Variants in PACRG observed in about 807,000 individuals in gnomAD.
The protein encoded by PACRG is parkin coregulated gene protein.
A neutral mutation model predicts 29.7 loss-of-function variants in PACRG; 29 were observed. That is an observed-to-expected ratio of 0.98 (90% confidence interval 0.73 to 1.33). The LOEUF is 1.33. Ranked by LOEUF, PACRG falls within the 40% of genes most tolerant of loss-of-function variation. The pLI is 0.00. For missense variants in PACRG, 279 were observed against 316.2 expected, an observed-to-expected ratio of 0.88 and a Z score of 0.89; for synonymous variants, 116 against 118.7, an observed-to-expected ratio of 0.98 and a Z score of 0.15.
At chr6:163,196,921 AGACAGAT>A (rs1221427980) in intron 4 of PACRG, among the ~76,000 whole-genome samples, 102 of 127,190 alleles carry the variant, frequency 8.0e-4, no homozygotes, top group African/African-American at 2.8e-3. Flanking sequence ...CAGACAGACT[AGACAGAT>A]AGATAGATAG....
intron 1 of PACRG, among the ~76,000 whole-genome samples, chr6:162,744,427 G>A (rs571056258): frequency 3.3e-5 from 5 of 151,974 alleles, no homozygotes; most frequent in East Asian, 3.9e-4. Flanking sequence ...CCAGACCCCC[G>A]TCTAAAACAT....
chr6:162,855,273 A>G (rs1425435053), intron 2 of PACRG, among the ~76,000 whole-genome samples: 1 of 152,230 alleles, frequency 6.6e-6, no homozygotes, highest in Non-Finnish European at 1.5e-5. Context: ...AAAAGAACAC[A>G]GTACATGATG....
intron 4 of PACRG, among the ~76,000 whole-genome samples, chr6:163,147,043 T>C (rs1205665): frequency 0.36 from 55,102 of 152,068 alleles, 10,225 homozygotes; most frequent in East Asian, 0.55. Context: ...CCTTTGCAGT[T>C]AGCTGAATAC....
chr6:162,776,522 C>T (rs568668071), intron 1 of PACRG, among the ~76,000 whole-genome samples: 5 of 152,140 alleles, frequency 3.3e-5, no homozygotes, highest in African/African-American at 4.8e-5. Flanking sequence ...TTAAAGATAG[C>T]GTCCAGATTC....
intron 1 of PACRG, among the ~76,000 whole-genome samples, chr6:162,760,215 G>T (rs1256319852): frequency 1.3e-5 from 2 of 150,804 alleles, no homozygotes; most frequent in African/African-American, 5.0e-5. Flanking sequence ...CTTCAGAAAA[G>T]GTTACAGGTG....
chr6:163,238,664 G>T (rs57264517), intron 4 of PACRG, among the ~76,000 whole-genome samples: 11,918 of 152,234 alleles, frequency 0.078, 944 homozygotes, highest in East Asian at 0.2. Context: ...GAAGGAACAC[G>T]TTCAACACCA....
chr6:162,876,909 C>T lies in PACRG; in HGVS notation c.291+62628C>T, dbSNP rs975262568. On this transcript the variant is annotated intron_variant, in intron 2 of 4. Coordinates refer to ENST00000366888, the MANE Select transcript of PACRG (RefSeq NM_001080379.2). ...GTATAAGGTGTAAGGAAGGGGTCCA[C>T]GCCAGTTAGAATAAAGTCAGGAAAC... 2.0e-5 allele frequency among the ~76,000 whole-genome samples: 3 copies of T among 151,950 alleles called. 1 individual carries two copies. The highest frequency in any genetic ancestry group is 2.9e-5 in the Non-Finnish European group (2 of 67,954).
intron 4 of PACRG, among the ~76,000 whole-genome samples, chr6:163,175,772 A>AGGT (rs1389127536): frequency 6.6e-6 from 1 of 151,600 alleles, no homozygotes; most frequent in Non-Finnish European, 1.5e-5. Flanking sequence ...GAGGAGGAGG[A>AGGT]GGAGGAGGAG....
chr6:163,150,593 G>A (rs1585269426), intron 4 of PACRG, among the ~76,000 whole-genome samples: 2 of 68,632 alleles, frequency 2.9e-5, no homozygotes, highest in African/African-American at 3.2e-4. Context: ...AATCCTTCCA[G>A]GCTCAAGTTC....
Position 163,314,914 on chromosome 6 carries a change from G to A in PACRG, c.701G>A (p.Arg234His), listed in dbSNP as rs199844557. The part of the protein sequence containing the change: ...LIQETLEAFE[R>H]YGGENAFINI... ...CAGGAGACACTGGAGGCCTTCGAGC[G>A]CTACGGAGGAGAAAATGCCTTTATC... Residue 234 changes from arginine (R) to histidine (H), a missense_variant, in exon 5 of 5, where the codon CGC becomes CAC. Arg to His is a conservative substitution (Grantham distance 29). Transcript: ENST00000366888. 57 of 1,614,044 alleles carry A rather than the reference G, an allele frequency of 3.5e-5. No homozygotes were observed. Among genetic ancestry groups the A allele is most frequent in the South Asian group, 7.7e-5 (7 of 91,086 alleles).
chr6:162,996,229 T>C (rs369225287), intron 2 of PACRG, among the ~76,000 whole-genome samples: 5 of 152,164 alleles, frequency 3.3e-5, no homozygotes, highest in African/African-American at 9.7e-5. Context: ...CATTTCACAG[T>C]GTACACATAT....
chr6:163,127,800 G>A (rs537310689), intron 4 of PACRG, among the ~76,000 whole-genome samples: 107 of 152,280 alleles, frequency 7.0e-4, no homozygotes, highest in African/African-American at 2.5e-3. Flanking sequence ...ACACATGCTT[G>A]TAGCTCAGAG....
At chr6:162,759,183 A>G (rs1442887169) in intron 1 of PACRG, among the ~76,000 whole-genome samples, 1 of 152,238 alleles carries the variant, frequency 6.6e-6, no homozygotes, top group African/African-American at 2.4e-5. Flanking sequence ...CATCTTGTTT[A>G]TTAACCTTTA....
intron 4 of PACRG, among the ~76,000 whole-genome samples, chr6:163,208,984 G>A (rs1273028351): frequency 1.3e-5 from 2 of 152,166 alleles, no homozygotes. Context: ...GATCTCACAG[G>A]AGTGGATAGG....
At chr6:163,039,095 C>T (rs992736887) in intron 2 of PACRG, among the ~76,000 whole-genome samples, 2 of 152,018 alleles carry the variant, frequency 1.3e-5, no homozygotes, top group African/African-American at 4.8e-5. Flanking sequence ...GGCAGTTTAC[C>T]CCGTGCTATT....
intron 2 of PACRG, among the ~76,000 whole-genome samples, chr6:162,895,467 G>T (rs1795099809): frequency 1.3e-5 from 2 of 152,006 alleles, no homozygotes; most frequent in Non-Finnish European, 1.5e-5. Flanking sequence ...TTAACTAATG[G>T]TCTAACATTT....
At chr6:163,070,129 T>C (rs1429970091) in intron 3 of PACRG, among the ~76,000 whole-genome samples, 1 of 152,072 alleles carries the variant, frequency 6.6e-6, no homozygotes, top group Non-Finnish European at 1.5e-5. Context: ...AGGGATTTCA[T>C]CAACACAAGA....
intron 2 of PACRG, among the ~76,000 whole-genome samples, chr6:162,999,144 A>G (rs1249564473): frequency 2.0e-5 from 3 of 152,250 alleles, no homozygotes; most frequent in Non-Finnish European, 4.4e-5. Context: ...GTCCAAAAAC[A>G]TTATGACTAG....
chr6:163,023,228 C>A (rs1395692940), intron 2 of PACRG, among the ~76,000 whole-genome samples: 1 of 152,212 alleles, frequency 6.6e-6, no homozygotes, highest in African/African-American at 2.4e-5. Flanking sequence ...CACCCCCCTC[C>A]TTCCACCCTC....
Sources: allele counts gnomAD v4.1 joint callset (sites outside exome capture counted in the v4.1 genomes callset), GRCh38; gene constraint gnomAD v4.1.1; transcripts MANE v1.5; gene names NCBI Gene and HGNC (gene_info 2026-07-23, HGNC 2026-07-21).